Variants in SGCZ observed in about 807,000 individuals in gnomAD.
SGCZ encodes the protein sarcoglycan zeta, also known as zeta-sarcoglycan.
A neutral mutation model predicts 41.3 loss-of-function variants in SGCZ; 40 were observed. That is an observed-to-expected ratio of 0.97 (90% CI 0.75 to 1.26). The LOEUF (loss-of-function observed/expected upper bound fraction) is 1.26, where lower values mean the gene tolerates loss of function less well. Ranked by LOEUF, SGCZ falls within the 50% of genes most tolerant of loss-of-function variation. SGCZ has a pLI of 0.00. For missense variants in SGCZ, 552 were observed against 369.8 expected, an observed-to-expected ratio of 1.49 and a Z score of -4.04; for synonymous variants, 206 against 137.5, an observed-to-expected ratio of 1.50 and a Z score of -3.49.
chr8:14,192,665 T>C (rs1054410817), intron 4 of SGCZ, among the ~76,000 whole-genome samples: 4 of 152,062 alleles, frequency 2.6e-5, no homozygotes, highest in Admixed American at 6.5e-5. Context: ...AGAATGAAAT[T>C]GTTGTCATTG....
At chr8:15,051,849 G>A (rs1286419148) in intron 1 of SGCZ, among the ~76,000 whole-genome samples, 3 of 152,188 alleles carry the variant, frequency 2.0e-5, no homozygotes, top group East Asian at 1.9e-4. Context: ...ACTTAGAGGT[G>A]TGTTTAAGCA....
At chr8:14,106,392 C>T (rs549097037) in intron 6 of SGCZ, among the ~76,000 whole-genome samples, 6 of 152,280 alleles carry the variant, frequency 3.9e-5, no homozygotes, top group Admixed American at 3.3e-4. Context: ...CCTAGGGTTT[C>T]TATATAGAGT....
intron 1 of SGCZ, among the ~76,000 whole-genome samples, chr8:14,806,699 GA>G (rs1801542286): frequency 6.6e-6 from 1 of 152,076 alleles, no homozygotes; most frequent in Admixed American, 6.5e-5. Flanking sequence ...ACAATCAAGA[GA>G]AAAAGAGGGA....
At chr8:14,983,983 A>G (rs773087560) in intron 1 of SGCZ, among the ~76,000 whole-genome samples, 10 of 152,332 alleles carry the variant, frequency 6.6e-5, no homozygotes, top group African/African-American at 1.2e-4. Flanking sequence ...CTTATACCCA[A>G]TCAGTACTTA....
intron 2 of SGCZ, among the ~76,000 whole-genome samples, chr8:14,452,385 A>C (rs943345631): frequency 3.3e-5 from 5 of 152,130 alleles, no homozygotes; most frequent in African/African-American, 1.2e-4. Flanking sequence ...CGGTGGATAC[A>C]TGTCATGATA....
rs563467116 is a variant in SGCZ, at chr8:14,746,413, T to C, written c.40-191487A>G. ...TAGACAAGTCCACTATTGCATTTAGTAGTAAAAAACAATATAGCATTTCAG... is the reference window on the plus strand; with the variant it reads ...TAGACAAGTCCACTATTGCATTTAGCAGTAAAAAACAATATAGCATTTCAG... On this transcript the variant is annotated intron_variant, in intron 1 of 7. Coordinates refer to ENST00000382080, the MANE Select transcript of SGCZ (RefSeq NM_139167.4). 3.8e-4 allele frequency among the ~76,000 whole-genome samples: 58 copies of C among 152,302 alleles called. 1 individual carries two copies. In the South Asian group the frequency reaches 5.2e-3, roughly 14 times the overall value.
rs548669922 is a variant in SGCZ, at chr8:14,706,935, A to C, written c.40-152009T>G. Among the ~76,000 whole-genome samples, 372 of 151,898 alleles carry C rather than the reference A, an allele frequency of 2.4e-3. 3 individuals carry two copies. The highest frequency in any genetic ancestry group is 7.0e-3 in the African/African-American group (291 of 41,514). Reference sequence around the variant, plus strand: ...CAGAAATTCTTATTATTTAGAAGAAAATTTTCAGATTAATTACAAAACTTT... The same window carrying C: ...CAGAAATTCTTATTATTTAGAAGAACATTTTCAGATTAATTACAAAACTTT... On this transcript the variant is annotated intron_variant, in intron 1 of 7. Coordinates refer to ENST00000382080, the MANE Select transcript of SGCZ (RefSeq NM_139167.4).
intron 2 of SGCZ, among the ~76,000 whole-genome samples, chr8:14,503,267 A>T (rs550050969): frequency 3.9e-5 from 6 of 152,102 alleles, no homozygotes; most frequent in African/African-American, 1.4e-4. Flanking sequence ...GGGGACAGGG[A>T]GGGGAACATC....
At chr8:14,676,346 A>ATGTGTGTGTGTGTGTGTGTGTG (rs33909996) in intron 1 of SGCZ, among the ~76,000 whole-genome samples, 4,129 of 149,316 alleles carry the variant, frequency 0.028, 106 homozygotes, top group Admixed American at 0.09. Context: ...AATGAAATAG[A>ATGTGTGTGTGTGTGTGTGTGTG]TGTGTGTGTG....
At chr8:14,911,697 C>A (rs1191799774) in intron 1 of SGCZ, among the ~76,000 whole-genome samples, 1 of 151,774 alleles carries the variant, frequency 6.6e-6, no homozygotes, top group Non-Finnish European at 1.5e-5. Flanking sequence ...ATGTACACAC[C>A]TAGGACCATA....
intron 2 of SGCZ, among the ~76,000 whole-genome samples, chr8:14,544,188 C>T (rs1271929273): frequency 6.6e-6 from 1 of 152,016 alleles, no homozygotes; most frequent in Non-Finnish European, 1.5e-5. Context: ...TTATCAGTTC[C>T]CAAATAATAA....
chr8:15,110,087 A>G (rs948824572), intron 1 of SGCZ, among the ~76,000 whole-genome samples: 1 of 152,166 alleles, frequency 6.6e-6, no homozygotes. Context: ...ATCTATCGTG[A>G]GCTTAGAAAT....
chr8:15,179,211 T>C (rs1318204106), intron 1 of SGCZ, among the ~76,000 whole-genome samples: 2 of 152,114 alleles, frequency 1.3e-5, no homozygotes, highest in Non-Finnish European at 2.9e-5. Flanking sequence ...GAAGATCAAA[T>C]AATAAAATAA....
intron 2 of SGCZ, among the ~76,000 whole-genome samples, chr8:14,473,777 A>T (rs527720516): frequency 2.0e-5 from 3 of 152,060 alleles, no homozygotes; most frequent in Admixed American, 2.0e-4. Flanking sequence ...CTCTACTAAA[A>T]ATACAAAAAA....
At position 14,843,081 on chromosome 8, in the gene SGCZ, A is replaced by G. The variant is rs1364329387; in HGVS notation, c.40-288155T>C. Among the ~76,000 whole-genome samples, 4 of 152,234 alleles carry G rather than the reference A, an allele frequency of 2.6e-5. No homozygotes were observed. In the East Asian group the frequency reaches 7.7e-4, roughly 29 times the overall value. On this transcript the variant is annotated intron_variant, in intron 1 of 7. Transcript: ENST00000382080. ...ACAAAAATTAGCTGGGTGTGGTGGCATGCACCTGTAATCCCAGCTACTTGG... is the reference window on the plus strand; with the variant it reads ...ACAAAAATTAGCTGGGTGTGGTGGCGTGCACCTGTAATCCCAGCTACTTGG...
intron 2 of SGCZ, among the ~76,000 whole-genome samples, chr8:14,359,123 C>CATATCAGTATT (rs200328550): frequency 0.035 from 5,374 of 151,804 alleles, 237 homozygotes; most frequent in African/African-American, 0.11. Flanking sequence ...CCTAGAGAAA[C>CATATCAGTATT]AAAGTACAAG....
chr8:15,005,659 G>C (rs1184035114), intron 1 of SGCZ, among the ~76,000 whole-genome samples: 1 of 150,562 alleles, frequency 6.6e-6, no homozygotes, highest in African/African-American at 2.4e-5. Context: ...TTTTACCAGA[G>C]TCTCTGTAAA....
chr8:14,383,235 T>A (rs1269961316), intron 2 of SGCZ, among the ~76,000 whole-genome samples: 2 of 152,212 alleles, frequency 1.3e-5, no homozygotes, highest in Non-Finnish European at 2.9e-5. Context: ...ATGTGAATAA[T>A]TAATTAAAAT....
intron 1 of SGCZ, among the ~76,000 whole-genome samples, chr8:15,011,312 T>C (rs1006130477): frequency 2.6e-5 from 4 of 152,194 alleles, no homozygotes; most frequent in African/African-American, 9.6e-5. Context: ...TTTGTCTATT[T>C]GAACTTGAAA....
Sources: allele counts gnomAD v4.1 joint callset (sites outside exome capture counted in the v4.1 genomes callset), GRCh38; gene constraint gnomAD v4.1.1; transcripts MANE v1.5; gene names NCBI Gene and HGNC (gene_info 2026-07-23, HGNC 2026-07-21).